Variants in LRBA observed in about 807,000 individuals in gnomAD.
The protein encoded by LRBA is LPS responsive beige-like anchor protein.
LRBA carries 176 observed loss-of-function variants against 330.0 expected under a neutral mutation model. The ratio of observed to expected loss-of-function variants is 0.53; its 90% confidence interval spans 0.47 to 0.60. The LOEUF is 0.60. Among genes scored for constraint, LRBA ranks in the 20% least tolerant of loss-of-function variants. The pLI is 0.00. For synonymous variants in LRBA, 1,230 were observed against 1,193.0 expected (o/e 1.03, Z -0.64); for missense variants, 3,259 against 3,444.8 (o/e 0.95, Z 1.35).
At chr4:150,445,369 CTCTCTCTCTATATATA>C (rs1269240801) in intron 44 of LRBA, among the ~76,000 whole-genome samples, 10 of 84,400 alleles carry the variant, frequency 1.2e-4, no homozygotes, top group African/African-American at 3.1e-4. Context: ...CTCTCTCTCT[CTCTCTCTCTATATATA>C]TATATATATA....
At position 150,395,020 on chromosome 4, in the gene LRBA, G is replaced by A. The variant is rs541803646; in HGVS notation, c.7194+20418C>T. Among the ~76,000 whole-genome samples the A allele has an allele frequency of 5.3e-5, 8 of 152,222 alleles. No homozygotes were observed. In the South Asian group the frequency reaches 1.2e-3, roughly 24 times the overall value. ...AAAGTGATAGGGAGACTAGAAGGAC[G>A]TTATTACCATAGTTCATATAAGAGA... is the stretch of plus-strand genomic sequence containing the variant. On this transcript the variant is annotated intron_variant, in intron 47 of 56. Coordinates refer to ENST00000651943, the MANE Select transcript of LRBA (RefSeq NM_001364905.1).
At chr4:151,005,239 T>C (rs1031529789) in intron 2 of LRBA, among the ~76,000 whole-genome samples, 6 of 149,886 alleles carry the variant, frequency 4.0e-5, no homozygotes, top group Non-Finnish European at 7.4e-5. Flanking sequence ...AGGTCAAGAG[T>C]TCAAGACCAG....
At chr4:150,336,495 A>C (rs558993614) in intron 48 of LRBA, among the ~76,000 whole-genome samples, 1 of 152,302 alleles carries the variant, frequency 6.6e-6, no homozygotes, top group African/African-American at 2.4e-5. Context: ...GGAGTACATA[A>C]AAAATAAAGA....
At chr4:150,418,752 T>C (rs575858459) in intron 46 of LRBA, among the ~76,000 whole-genome samples, 1 of 152,320 alleles carries the variant, frequency 6.6e-6, no homozygotes, top group East Asian at 1.9e-4. Context: ...GCATTTCCTT[T>C]CTCAAGAACA....
At chr4:150,357,617 CTAAT>C (rs892422466) in intron 47 of LRBA, among the ~76,000 whole-genome samples, 4 of 150,238 alleles carry the variant, frequency 2.7e-5, no homozygotes, top group Non-Finnish European at 4.4e-5. Flanking sequence ...ATATGCTAAA[CTAAT>C]TATAGTATCA....
intron 20 of LRBA, among the ~76,000 whole-genome samples, chr4:150,869,307 C>A (rs1204096766): frequency 6.6e-6 from 1 of 152,130 alleles, no homozygotes; most frequent in South Asian, 2.1e-4. Context: ...GAAATTAAAA[C>A]CTATTCAACA....
At chr4:150,560,096 A>T (rs567257748) in intron 40 of LRBA, among the ~76,000 whole-genome samples, 1 of 149,578 alleles carries the variant, frequency 6.7e-6, no homozygotes, top group South Asian at 2.1e-4. Context: ...ATAAGATAAC[A>T]TTCTTATTCT....
In LRBA at chr4:150,852,886, T is replaced by C. The variant is rs1219173607; in HGVS notation, c.2824A>G (p.Lys942Glu). The change falls in exon 23 of 57, where the codon AAA (lysine) becomes GAA (glutamate). Residue 942 changes from lysine to glutamate, a missense_variant. Lys to Glu is a moderately conservative substitution (Grantham distance 56). Coordinates refer to ENST00000651943, the MANE Select transcript of LRBA (RefSeq NM_001364905.1). ...LANIFREQQG[K>E]VDEEIGLCSS... is the part of the protein sequence containing the mutation. Reference sequence around the variant, plus strand: ...CACAGCCCTATTTCTTCATCAACTTTTCCTTGCTGTTCCCTAAATATATTG... The same window carrying C: ...CACAGCCCTATTTCTTCATCAACTTCTCCTTGCTGTTCCCTAAATATATTG... 1 of 1,607,728 alleles carries C rather than the reference T, an allele frequency of 6.2e-7. No homozygotes were observed. Among genetic ancestry groups the C allele is most frequent in the Non-Finnish European group, 8.5e-7 (1 of 1,177,756 alleles).
At chr4:150,379,281 C>CT (rs1741825836) in intron 47 of LRBA, among the ~76,000 whole-genome samples, 1 of 83,558 alleles carries the variant, frequency 1.2e-5, no homozygotes, top group Admixed American at 2.0e-4. Context: ...CCAGCCTGGG[C>CT]AACAAGAGGG....
chr4:150,891,029 C>A (rs1334860199), intron 17 of LRBA, among the ~76,000 whole-genome samples: 1 of 151,780 alleles, frequency 6.6e-6, no homozygotes, highest in Non-Finnish European at 1.5e-5. Context: ...TACTCTGGCA[C>A]CAAAAAGAAA....
At chr4:150,581,969 A>T (rs1449118306) in intron 40 of LRBA, 1 of 136,078 alleles carries the variant, frequency 7.3e-6, no homozygotes, top group Admixed American at 7.8e-5. Context: ...AGACAGAGAG[A>T]GTTAGAGGAA....
chr4:150,358,180 AG>A (rs1043560925), intron 47 of LRBA, among the ~76,000 whole-genome samples: 1 of 152,178 alleles, frequency 6.6e-6, no homozygotes, highest in Non-Finnish European at 1.5e-5. Context: ...TATTTCTCTT[AG>A]AAAGGCTTTG....
At chr4:151,014,355 G>A in intron 2 of LRBA, 72 bp downstream of exon 2, 2 of 1,272,006 alleles carry the variant, frequency 1.6e-6, no homozygotes, top group South Asian at 1.3e-5. Flanking sequence ...AAACCACATG[G>A]CTCCAGCTTT....
rs371459860 is a variant in LRBA at position 150,583,803 on chromosome 4, G to T, written c.6330+4245C>A. The stretch of plus-strand genomic sequence containing the variant: ...GCCTCTCAGTGCTGAAGACTCTGCG[G>T]GACCGCCACCTGGAGCTACCCGGCC... On this transcript the variant is annotated intron_variant, in intron 40 of 56. Transcript: ENST00000651943. This position sits in a 1 kb window ranked among gnomAD's most constrained non-coding sequence, Gnocchi z 9.8. The T allele has an allele frequency of 8.1e-5, 130 of 1,614,078 alleles. No individual in the cohort carries two copies. The highest frequency in any genetic ancestry group is 1.0e-4 in the Non-Finnish European group (122 of 1,180,040).
rs1751005756 is a variant in LRBA, at chr4:150,435,602, G to A, written c.7028C>T (p.Thr2343Ile). 6.2e-7 allele frequency: 1 copy of A among 1,611,540 alleles called. No individual in the cohort carries two copies. Among genetic ancestry groups the A allele is most frequent in the Non-Finnish European group, 8.5e-7 (1 of 1,179,292 alleles). ...SRAWRNSQRD[T>I]SDIKELIPEF... The stretch of plus-strand genomic sequence containing the variant: ...ACATTTCTGTACCTTAATATCAGAG[G>A]TATCACGCTGACTGTTTCGCCAAGC... The change falls in exon 46 of 57, where the codon ACC becomes ATC. Residue 2343 changes from threonine to isoleucine, a missense_variant. Physicochemically the swap from Thr to Ile is moderately conservative, Grantham distance 89. Coordinates refer to ENST00000651943, the MANE Select transcript of LRBA (RefSeq NM_001364905.1).
intron 16 of LRBA, 73 bp downstream of exon 16, chr4:150,896,321 A>G: frequency 1.3e-6 from 1 of 764,738 alleles, no homozygotes; most frequent in East Asian, 3.0e-5. Flanking sequence ...AGATTTCTTT[A>G]AATTTTTACT....
intron 40 of LRBA, among the ~76,000 whole-genome samples, chr4:150,565,637 T>C (rs1769028737): frequency 6.6e-6 from 1 of 152,134 alleles, no homozygotes; most frequent in Admixed American, 6.6e-5. Context: ...CTCCTGGCAA[T>C]TTCAGCTGAC....
intron 40 of LRBA, among the ~76,000 whole-genome samples, chr4:150,571,663 T>TTG (rs1561369465): frequency 2.0e-5 from 3 of 147,072 alleles, no homozygotes; most frequent in East Asian, 4.0e-4. Context: ...TTTTTTTTTT[T>TTG]TTTTTTTTTT....
Position 150,908,782 on chromosome 4 carries a change from G to C in LRBA, c.1237C>G (p.Leu413Val). 4 of 1,613,832 alleles carry C rather than the reference G, an allele frequency of 2.5e-6. No homozygotes were observed. In the South Asian group the frequency reaches 4.4e-5, roughly 18 times the overall value. ...TACGTGAATGCAATGGCACTAGAGA[G>C]TTTCCCATCGTACAATAAAAGTTTG... ...HHKLLLYDGK[L>V]SSAIAFTYNP... The change falls in exon 10 of 57, where the codon CTC becomes GTC. Residue 413 changes from leucine (L) to valine (V), a missense_variant. By Grantham distance (32) the Leu-to-Val change is conservative. Transcript: ENST00000651943.
Sources: allele counts gnomAD v4.1 joint callset (sites outside exome capture counted in the v4.1 genomes callset), GRCh38; gene constraint gnomAD v4.1.1; non-coding constraint Gnocchi (gnomAD v3.1); transcripts MANE v1.5; gene names NCBI Gene and HGNC (gene_info 2026-07-23, HGNC 2026-07-21).